NXPE2: variants seen among roughly 807,000 people sequenced by gnomAD.
NXPE2 encodes the protein NXPE family member 2.
In NXPE2, 34 loss-of-function variants were observed where a neutral mutation model predicts 34.4. The ratio of observed to expected loss-of-function variants is 0.99; its 90% confidence interval spans 0.75 to 1.31. NXPE2 has a LOEUF of 1.31. Among genes scored for constraint, NXPE2 ranks in the 40% most tolerant of loss-of-function variants. The pLI is 0.00. For missense variants in NXPE2, 649 were observed against 672.5 expected, an observed-to-expected ratio of 0.97 and a Z score of 0.39; for synonymous variants, 235 against 231.3, an observed-to-expected ratio of 1.02 and a Z score of -0.15.
chr11:114,574,923 C>T, the NXPE2 span, among the ~76,000 whole-genome samples: 4 of 152,060 alleles, frequency 2.6e-5, no homozygotes, highest in Non-Finnish European at 4.4e-5. Context: ...CCCTTATGAA[C>T]ATAGATGCTA....
intron 4 of NXPE2, among the ~76,000 whole-genome samples, chr11:114,705,493 G>C (rs192628485): frequency 6.2e-4 from 95 of 152,322 alleles, no homozygotes; most frequent in African/African-American, 2.2e-3. Context: ...CTGGCTGGCT[G>C]TTCCACAGCA....
the NXPE2 span, among the ~76,000 whole-genome samples, chr11:114,469,268 T>G: frequency 2.7e-4 from 41 of 149,864 alleles, no homozygotes; most frequent in African/African-American, 1.0e-3. Flanking sequence ...CCTGCCACCA[T>G]GCCCAGCTAA....
chr11:114,549,756 G>A, the NXPE2 span, among the ~76,000 whole-genome samples: 12 of 152,088 alleles, frequency 7.9e-5, no homozygotes, highest in South Asian at 1.2e-3. Flanking sequence ...AAAGCAATTC[G>A]AGACACTGGA....
At chr11:114,483,249 C>T in the NXPE2 span, among the ~76,000 whole-genome samples, 1 of 152,222 alleles carries the variant, frequency 6.6e-6, no homozygotes, top group Admixed American at 6.5e-5. Context: ...CTCTGCCACT[C>T]GCTGGTTGGG....
the NXPE2 span, among the ~76,000 whole-genome samples, chr11:114,652,221 T>C: frequency 6.6e-6 from 1 of 152,326 alleles, no homozygotes; most frequent in African/African-American, 2.4e-5. Context: ...TCAGTTGAGT[T>C]AGCAGGTGAA....
At chr11:114,580,274 A>T in the NXPE2 span, 3 of 1,614,072 alleles carry the variant, frequency 1.9e-6, no homozygotes, top group Non-Finnish European at 1.7e-6. Context: ...TTCTCCAGAC[A>T]TGCCCACTGG....
the NXPE2 span, among the ~76,000 whole-genome samples, chr11:114,664,248 A>G: frequency 1.3e-5 from 2 of 152,200 alleles, no homozygotes; most frequent in Non-Finnish European, 2.9e-5. Context: ...AAGAAAAAGA[A>G]CACAGACTAA....
At chr11:114,798,662 G>T in the NXPE2 span, among the ~76,000 whole-genome samples, 5 of 152,284 alleles carry the variant, frequency 3.3e-5, no homozygotes, top group African/African-American at 1.2e-4. Context: ...GATTACAGGC[G>T]TGAGCCACTG....
At chr11:114,475,366 C>A in the NXPE2 span, among the ~76,000 whole-genome samples, 1 of 151,368 alleles carries the variant, frequency 6.6e-6, no homozygotes, top group Non-Finnish European at 1.5e-5. Context: ...GCCTCAGCCT[C>A]TCCAGTAGCT....
the NXPE2 span, among the ~76,000 whole-genome samples, chr11:114,596,953 A>G: frequency 6.6e-6 from 1 of 152,212 alleles, no homozygotes; most frequent in Non-Finnish European, 1.5e-5. Flanking sequence ...TGAGCTTTGA[A>G]ACAGGGCTGA....
the NXPE2 span, among the ~76,000 whole-genome samples, chr11:114,489,488 AC>A: frequency 6.6e-6 from 1 of 152,242 alleles, no homozygotes; most frequent in Non-Finnish European, 1.5e-5. Flanking sequence ...ATCCAGCAGC[AC>A]ATCAAAAAGC....
intron 2 of NXPE2, among the ~76,000 whole-genome samples, chr11:114,692,433 C>T (rs1951170820): frequency 6.6e-6 from 1 of 152,192 alleles, no homozygotes; most frequent in Non-Finnish European, 1.5e-5. Flanking sequence ...TATCTAGTCT[C>T]TCAAAGTGGC....
chr11:114,692,900 T>C (rs1951179713), intron 2 of NXPE2, among the ~76,000 whole-genome samples: 1 of 152,162 alleles, frequency 6.6e-6, no homozygotes, highest in South Asian at 2.1e-4. Context: ...AACTATCTAC[T>C]TTCTACGCTG....
chr11:114,800,397 TGTAAG>T, the NXPE2 span, among the ~76,000 whole-genome samples: 2 of 152,258 alleles, frequency 1.3e-5, no homozygotes, highest in Non-Finnish European at 2.9e-5. Flanking sequence ...TACAATAAAA[TGTAAG>T]GTAGTAGCGA....
chr11:114,702,330 G>A (rs1359562731), intron 3 of NXPE2, among the ~76,000 whole-genome samples: 1 of 136,688 alleles, frequency 7.3e-6, no homozygotes, highest in Non-Finnish European at 1.7e-5. Context: ...TAATTTTAAT[G>A]TAGCATCAAA....
the NXPE2 span, among the ~76,000 whole-genome samples, chr11:114,730,041 A>C: frequency 1.3e-5 from 2 of 152,320 alleles, no homozygotes; most frequent in South Asian, 4.1e-4. Context: ...TTGAGGTCTT[A>C]CATTTAAATC....
the NXPE2 span, among the ~76,000 whole-genome samples, chr11:114,727,091 T>A: frequency 6.6e-6 from 1 of 152,102 alleles, no homozygotes; most frequent in South Asian, 2.1e-4. Context: ...CCAAAGCCAC[T>A]TCCACATTTT....
chr11:114,590,109 C>T, the NXPE2 span, among the ~76,000 whole-genome samples: 1 of 152,182 alleles, frequency 6.6e-6, no homozygotes, highest in Admixed American at 6.5e-5. Context: ...GATAATCCCT[C>T]ATTTGTTTGG....
chr11:114,525,287 A>G, the NXPE2 span, among the ~76,000 whole-genome samples: 1 of 152,204 alleles, frequency 6.6e-6, no homozygotes, highest in East Asian at 1.9e-4. Flanking sequence ...AGATTCCATT[A>G]TATTTTTTAT....
Sources: allele counts gnomAD v4.1 joint callset (sites outside exome capture counted in the v4.1 genomes callset), GRCh38; gene constraint gnomAD v4.1.1; transcripts MANE v1.5; gene names NCBI Gene and HGNC (gene_info 2026-07-23, HGNC 2026-07-21).